The following CD1B variants were observed in gnomAD, a reference collection of about 807,000 sequenced individuals.
CD1B encodes the protein T-cell surface glycoprotein CD1b.
In CD1B, 43 loss-of-function variants were observed where a neutral mutation model predicts 39.8. The ratio of observed to expected loss-of-function variants is 1.08; its 90% CI spans 0.85 to 1.39. CD1B has a LOEUF of 1.39. Among genes scored for constraint, CD1B ranks in the 40% most tolerant of loss-of-function variants. The probability of loss-of-function intolerance (pLI) is 0.00; values close to 1 mark genes in which losing one functional copy is unlikely to be tolerated. For synonymous variants in CD1B, 192 were observed against 152.5 expected (o/e 1.26, Z -1.91); for missense variants, 495 against 403.8 (o/e 1.23, Z -1.94).
At chr1:158,292,927 G>A in the CD1B span, 6 of 1,571,948 alleles carry the variant, frequency 3.8e-6, no homozygotes, top group Non-Finnish European at 5.2e-6. Flanking sequence ...CTAGAGGTTA[G>A]GGGAGAGGAA....
the CD1B span, among the ~76,000 whole-genome samples, chr1:158,306,370 G>A: frequency 6.6e-6 from 1 of 152,178 alleles, no homozygotes; most frequent in Admixed American, 6.5e-5. Context: ...AATTCAGCAA[G>A]AAGAGCTAAC....
At chr1:158,308,358 C>T in the CD1B span, among the ~76,000 whole-genome samples, 2 of 152,268 alleles carry the variant, frequency 1.3e-5, no homozygotes, top group Admixed American at 1.3e-4. Context: ...AAGAACATTC[C>T]ATGCTCATGG....
the CD1B span, among the ~76,000 whole-genome samples, chr1:158,309,124 C>G: frequency 3.3e-5 from 5 of 152,042 alleles, no homozygotes; most frequent in African/African-American, 9.7e-5. Context: ...TGAACTCAAA[C>G]AAATTTACAA....
Position 158,329,906 on chromosome 1 carries a change from G to T in CD1B, c.553C>A (p.Pro185Thr). Residue 185 changes from proline (P) to threonine (T), a missense_variant, in exon 3 of 6, where the codon CCC becomes ACC. Physicochemically the swap from Pro to Thr is conservative, Grantham distance 38 (BLOSUM62 -1). Coordinates refer to ENST00000368168, the MANE Select transcript of CD1B (RefSeq NM_001764.3). ...TTGAGGACGCCCAAGAGATATCGGG[G>T]GCAGGTTTCATAGAGGAGAATTCTC... ...TVRILLYETCPRYLLGVLNAG... is the reference protein window; with the variant it reads ...TVRILLYETCTRYLLGVLNAG... 6.2e-7 allele frequency: 1 copy of T among 1,614,106 alleles called. No homozygotes were observed. The highest frequency in any genetic ancestry group is 8.5e-7 in the Non-Finnish European group (1 of 1,180,030).
chr1:158,329,155 T>G (rs1652477676), intron 4 of CD1B, 141 bp from the exon 5 acceptor site: 2 of 921,398 alleles, frequency 2.2e-6, no homozygotes, highest in South Asian at 3.4e-5. Context: ...ATATCCATCC[T>G]TTGATCCCCT....
chr1:158,286,697 A>G, the CD1B span, among the ~76,000 whole-genome samples: 1 of 152,330 alleles, frequency 6.6e-6, no homozygotes, highest in East Asian at 1.9e-4. Context: ...TGACATGGTG[A>G]CTGTGTGGAG....
the CD1B span, chr1:158,291,091 T>C: frequency 5.9e-6 from 9 of 1,526,988 alleles, no homozygotes; most frequent in Admixed American, 2.1e-5. Flanking sequence ...TGCCTCTCTT[T>C]TTTTTTTTTT....
the CD1B span, among the ~76,000 whole-genome samples, chr1:158,321,746 A>G: frequency 3.6e-4 from 55 of 152,112 alleles, no homozygotes; most frequent in Non-Finnish European, 7.1e-4. Flanking sequence ...AAGTTGTTTT[A>G]TTTTATTTTA....
chr1:158,315,297 T>C, the CD1B span, among the ~76,000 whole-genome samples: 1 of 152,116 alleles, frequency 6.6e-6, no homozygotes, highest in Admixed American at 6.6e-5. Context: ...TTCCTATTTC[T>C]CCACATCCTC....
chr1:158,330,671 A>C (rs1557822661), intron 2 of CD1B, 125 bp downstream of exon 2: 1 of 936,256 alleles, frequency 1.1e-6, no homozygotes, highest in Non-Finnish European at 1.8e-6. Flanking sequence ...TACTCAAGAA[A>C]AGCATGTGCG....
chr1:158,315,970 A>G, the CD1B span, among the ~76,000 whole-genome samples: 12 of 151,860 alleles, frequency 7.9e-5, no homozygotes, highest in Non-Finnish European at 1.5e-4. Flanking sequence ...ATAGTTGTAG[A>G]TATGTGGCAT....
the CD1B span, among the ~76,000 whole-genome samples, chr1:158,319,377 T>C: frequency 6.6e-6 from 1 of 152,342 alleles, no homozygotes; most frequent in African/African-American, 2.4e-5. Flanking sequence ...TTATTCTTTT[T>C]TCTCTAAACT....
chr1:158,324,975 G>A (rs1652302676), downstream of CD1B, among the ~76,000 whole-genome samples: 1 of 152,076 alleles, frequency 6.6e-6, no homozygotes, highest in African/African-American at 2.4e-5. Context: ...TGAAATTCAT[G>A]AGTATACAAT....
chr1:158,286,022 C>G, the CD1B span, among the ~76,000 whole-genome samples: 41 of 152,078 alleles, frequency 2.7e-4, no homozygotes, highest in African/African-American at 8.9e-4. Context: ...GAGGAAATCT[C>G]TCTCTCTCTC....
the CD1B span, among the ~76,000 whole-genome samples, chr1:158,303,833 T>A: frequency 6.6e-6 from 1 of 152,192 alleles, no homozygotes; most frequent in Admixed American, 6.5e-5. Context: ...GTTGTTAAAA[T>A]TATCATATTG....
chr1:158,329,758 C>T, intron 3 of CD1B, 94 bp downstream of exon 3: 1 of 1,554,250 alleles, frequency 6.4e-7, no homozygotes, highest in South Asian at 1.2e-5. Flanking sequence ...CTTTGGGAAC[C>T]AAATAACTTG....
the CD1B span, among the ~76,000 whole-genome samples, chr1:158,309,793 G>T: frequency 7.2e-6 from 1 of 139,842 alleles, no homozygotes; most frequent in East Asian, 2.1e-4. Flanking sequence ...AGAACACATG[G>T]ACACAGGAAG....
At chr1:158,308,319 G>C in the CD1B span, among the ~76,000 whole-genome samples, 1 of 152,192 alleles carries the variant, frequency 6.6e-6, no homozygotes. Flanking sequence ...CCACTGCTCA[G>C]TGAAATAAAA....
rs778713791 is a variant in CD1B at position 158,329,918 on chromosome 1, AGAG to A, written c.538_540del (p.Leu180del). Reference sequence around the variant, plus strand: ...AAGAGATATCGGGGGCAGGTTTCATAGAGGAGAATTCTCACAGTTTCCATGATA... The same window carrying A: ...AAGAGATATCGGGGGCAGGTTTCATAGAGAATTCTCACAGTTTCCATGATA... On this transcript the variant is annotated inframe_deletion, in exon 3 of 6. Transcript: ENST00000368168. 4.3e-6 allele frequency: 7 copies of A among 1,614,062 alleles called. No individual in the cohort carries two copies. Among genetic ancestry groups the A allele is most frequent in the African/African-American group, 1.3e-5 (1 of 74,920 alleles).
Sources: gnomAD v4.1 joint callset for allele counts (sites outside exome capture counted in the v4.1 genomes callset) on GRCh38, gnomAD v4.1.1 for gene constraint, MANE v1.5 for transcripts, NCBI Gene and HGNC (gene_info 2026-07-23, HGNC 2026-07-21) for gene names.